WDFY4: variants seen among roughly 807,000 people sequenced by gnomAD.
WDFY4 encodes WD repeat- and FYVE domain-containing protein 4.
In WDFY4, 169 loss-of-function variants were observed where a neutral mutation model predicts 351.9. The ratio of observed to expected loss-of-function variants is 0.48; its 90% confidence interval spans 0.42 to 0.55. The LOEUF (loss-of-function observed/expected upper bound fraction) is 0.55, where lower values mean the gene tolerates loss of function less well. Ranked by LOEUF, WDFY4 falls within the 20% of genes least tolerant of loss-of-function variation. The probability of loss-of-function intolerance (pLI) is 0.00; values close to 1 mark genes in which losing one functional copy is unlikely to be tolerated. For synonymous variants in WDFY4, 1,622 were observed against 1,574.6 expected (o/e 1.03, Z -0.71); for missense variants, 3,803 against 3,935.6 (o/e 0.97, Z 0.90).
At chr10:48,925,814 A>G (rs1839521640) in intron 47 of WDFY4, among the ~76,000 whole-genome samples, 1 of 152,142 alleles carries the variant, frequency 6.6e-6, no homozygotes, top group East Asian at 1.9e-4. Flanking sequence ...CAATGTCAAG[A>G]GCTCCTCTCT....
chr10:48,892,683 G>C (rs140280194), intron 44 of WDFY4, among the ~76,000 whole-genome samples: 1 of 152,276 alleles, frequency 6.6e-6, no homozygotes, highest in African/African-American at 2.4e-5. Context: ...TAAAAATAAA[G>C]CTAAGTCAAA....
intron 47 of WDFY4, among the ~76,000 whole-genome samples, chr10:48,934,075 A>G (rs566643999): frequency 6.6e-6 from 1 of 152,248 alleles, no homozygotes; most frequent in South Asian, 2.1e-4. Context: ...AAGGCATGTG[A>G]TCAGAGCAGC....
intron 23 of WDFY4, among the ~76,000 whole-genome samples, chr10:48,795,861 TG>T (rs1004553741): frequency 2.6e-5 from 4 of 152,054 alleles, no homozygotes; most frequent in African/African-American, 9.7e-5. Context: ...GCCTCCATGC[TG>T]GGATGGATGC....
chr10:48,941,408 T>C (rs1281364788), intron 47 of WDFY4, among the ~76,000 whole-genome samples: 1 of 152,234 alleles, frequency 6.6e-6, no homozygotes, highest in Admixed American at 6.5e-5. Context: ...TCTCATGGCC[T>C]TCCACGTTGT....
At chr10:48,906,040 A>G (rs999677701) in intron 47 of WDFY4, among the ~76,000 whole-genome samples, 2 of 152,180 alleles carry the variant, frequency 1.3e-5, no homozygotes, top group Admixed American at 1.3e-4. Flanking sequence ...TTGGCTGGCC[A>G]CTGACATATG....
At chr10:48,907,417 G>C (rs1469607456) in intron 47 of WDFY4, among the ~76,000 whole-genome samples, 1 of 152,184 alleles carries the variant, frequency 6.6e-6, no homozygotes. Context: ...GGTGTTTGCA[G>C]TTCCTAAAAT....
chr10:48,772,164 G>A (rs537615217), intron 13 of WDFY4, among the ~76,000 whole-genome samples: 17 of 152,256 alleles, frequency 1.1e-4, no homozygotes, highest in South Asian at 1.0e-3. Context: ...GGAAGGACTC[G>A]GGAGGGAAGG....
intron 11 of WDFY4, 148 bp from the exon 12 acceptor site, chr10:48,742,820 C>A (rs1337862571): frequency 1.4e-6 from 1 of 718,766 alleles, no homozygotes; most frequent in Non-Finnish European, 2.3e-6. Flanking sequence ...TATGGAGATC[C>A]CAATGTTTCA....
intron 1 of WDFY4, among the ~76,000 whole-genome samples, chr10:48,705,584 G>A (rs2063605287): frequency 6.6e-6 from 1 of 152,206 alleles, no homozygotes; most frequent in South Asian, 2.1e-4. Context: ...AGCAGGTGTG[G>A]CACGATCAGC....
intron 19 of WDFY4, among the ~76,000 whole-genome samples, 179 bp from the exon 20 acceptor site, chr10:48,786,460 C>A (rs1401544545): frequency 6.6e-6 from 1 of 152,152 alleles, no homozygotes; most frequent in Non-Finnish European, 1.5e-5. Context: ...TTTTACTCCA[C>A]ATTTAATAAC....
At chr10:48,722,871 G>A (rs1279507014) in intron 4 of WDFY4, among the ~76,000 whole-genome samples, 1 of 152,216 alleles carries the variant, frequency 6.6e-6, no homozygotes, top group Non-Finnish European at 1.5e-5. Flanking sequence ...GCAGCCCTGA[G>A]CTGTTTAGTT....
chr10:48,765,333 G>A lies in WDFY4; in HGVS notation c.2553+4893G>A, dbSNP rs1202382087. On this transcript the variant is annotated intron_variant, in intron 13 of 61. Transcript: ENST00000325239. ...GGTCAAGTCTCAGCTGGGTCACCAA[G>A]CAGTCACAGAGCCATGGGAAAATTA... Among the ~76,000 whole-genome samples the A allele has an allele frequency of 3.3e-5, 5 of 152,334 alleles. No homozygotes were observed. In the East Asian group the frequency reaches 9.6e-4, roughly 29 times the overall value.
chr10:48,948,327 A>G (rs775089726), intron 51 of WDFY4, among the ~76,000 whole-genome samples: 1 of 152,244 alleles, frequency 6.6e-6, no homozygotes, highest in Admixed American at 6.5e-5. Flanking sequence ...ATGGTCCCAG[A>G]GCTGCACCCC....
chr10:48,812,451 A>G (rs1283067048), intron 30 of WDFY4, among the ~76,000 whole-genome samples: 1 of 152,000 alleles, frequency 6.6e-6, no homozygotes, highest in African/African-American at 2.4e-5. Flanking sequence ...TGGCCTCCCA[A>G]AGTGCTGGGA....
chr10:48,975,224 G>A (rs983336636), intron 58 of WDFY4, 183 bp downstream of exon 58: 8 of 772,084 alleles, frequency 1.0e-5, no homozygotes, highest in Admixed American at 6.7e-5. Flanking sequence ...TTCAATGTCC[G>A]CTTCTTTACT....
chr10:48,810,386 C>G (rs1245519246), intron 28 of WDFY4, 144 bp from the exon 29 acceptor site: 3 of 724,620 alleles, frequency 4.1e-6, no homozygotes, highest in East Asian at 5.6e-5. Flanking sequence ...TTTTACTATT[C>G]TTTTTAAATG....
At chr10:48,721,444 G>GA in intron 4 of WDFY4, 77 bp downstream of exon 4, 2 of 1,354,924 alleles carry the variant, frequency 1.5e-6, no homozygotes, top group Non-Finnish European at 2.1e-6. Context: ...CAGGGTGGTG[G>GA]CATATCCCAA....
chr10:48,853,073 G>A (rs995000555), intron 39 of WDFY4, among the ~76,000 whole-genome samples: 6 of 152,134 alleles, frequency 3.9e-5, no homozygotes, highest in Non-Finnish European at 7.4e-5. Flanking sequence ...CATTTACCAT[G>A]TTTAAACCAC....
At chr10:48,895,404 C>A (rs546144594) in intron 44 of WDFY4, among the ~76,000 whole-genome samples, 2 of 152,342 alleles carry the variant, frequency 1.3e-5, no homozygotes, top group African/African-American at 4.8e-5. Flanking sequence ...TAGGCTGGGG[C>A]TGGCAGGACC....
Sources: gnomAD v4.1 joint callset for allele counts (sites outside exome capture counted in the v4.1 genomes callset) on GRCh38, gnomAD v4.1.1 for gene constraint, MANE v1.5 for transcripts, NCBI Gene and HGNC (gene_info 2026-07-23, HGNC 2026-07-21) for gene names.